Variants in SLC16A6 observed in about 807,000 individuals in gnomAD.
SLC16A6 encodes the protein monocarboxylate transporter 7.
SLC16A6 carries 15 observed loss-of-function variants against 33.8 expected under a neutral mutation model. That is an observed-to-expected ratio of 0.44 (90% CI 0.30 to 0.68). The LOEUF is 0.68. Ranked by LOEUF, SLC16A6 falls within the 30% of genes least tolerant of loss-of-function variation. The pLI, the probability that SLC16A6 is intolerant of heterozygous loss-of-function variation, is 0.10. For missense variants in SLC16A6, 451 were observed against 661.5 expected (o/e 0.68, Z 3.49); for synonymous variants, 219 against 248.4 (o/e 0.88, Z 1.11).
intron 1 of SLC16A6, among the ~76,000 whole-genome samples, chr17:68,290,779 A>G (rs2075959601): frequency 6.6e-6 from 1 of 151,968 alleles, no homozygotes; most frequent in Non-Finnish European, 1.5e-5. Flanking sequence ...GGAGCCCCCA[A>G]CCCGGGGCAG....
Position 68,271,641 on chromosome 17 carries a change from C to T in SLC16A6, c.519G>A (p.Leu173=). Residue 173 remains leucine (L), a synonymous_variant, in exon 5 of 6, where the codon CTG becomes CTA. Coordinates refer to ENST00000580666, the MANE Select transcript of SLC16A6 (RefSeq NM_004694.5). This position sits in a 1 kb window ranked among gnomAD's most constrained non-coding sequence, Gnocchi z 5.3. ...VFAFAPAIMA[L]KERIGWRYSL... The stretch of plus-strand genomic sequence containing the variant: ...TGTATCTCCAGCCAATGCGCTCCTT[C>T]AGAGCCATGATTGCTTGAATAGGCA... The T allele has an allele frequency of 6.2e-7, 1 of 1,612,090 alleles. No individual in the cohort carries two copies. Among genetic ancestry groups the T allele is most frequent in the Non-Finnish European group, 8.5e-7 (1 of 1,178,298 alleles).
rs190776627 is a variant in SLC16A6, at chr17:68,269,067, C to T, written c.*29G>A. The T allele has an allele frequency of 1.4e-3, 2,179 of 1,581,926 alleles. 89 individuals are homozygous for T. In the African/African-American group the frequency reaches 0.026, roughly 19 times the overall value. On this transcript the variant is annotated 3_prime_UTR_variant, in exon 6 of 6. Transcript: ENST00000580666. ...GCCCACCCCATCCCTCTCCAGCCAA[C>T]ACAGTGGCTGTTGTTGTAAGAAAGT...
rs558911411 is a variant in SLC16A6 at position 68,283,336 on chromosome 17, C to T, written c.-7-5009G>A. Among the ~76,000 whole-genome samples, 14 of 151,298 alleles carry T rather than the reference C, an allele frequency of 9.3e-5. No individual in the cohort carries two copies. The East Asian group carries it at 1.6e-3, about 17-fold the overall frequency. Reference sequence around the variant, plus strand: ...GAGATCAAGACCATTCTGGCAAACACGATGAAACCCCGTCTCTACTAAAAA... The same window carrying T: ...GAGATCAAGACCATTCTGGCAAACATGATGAAACCCCGTCTCTACTAAAAA... On this transcript the variant is annotated intron_variant, in intron 1 of 5. Transcript: ENST00000580666.
Position 68,271,930 on chromosome 17 carries a change from G to C in SLC16A6, c.506-276C>G, listed in dbSNP as rs1413225077. 2.0e-5 allele frequency among the ~76,000 whole-genome samples: 3 copies of C among 152,184 alleles called. No individual in the cohort carries two copies. Among genetic ancestry groups the C allele is most frequent in the Non-Finnish European group, 4.4e-5 (3 of 68,032 alleles). On this transcript the variant is annotated intron_variant, in intron 4 of 5. Coordinates refer to ENST00000580666, the MANE Select transcript of SLC16A6 (RefSeq NM_004694.5). This position sits in a 1 kb window ranked among gnomAD's most constrained non-coding sequence, Gnocchi z 5.3. Reference sequence around the variant, plus strand: ...CGATTCTCCTGCCTCAGCCTCCTGAGTAGCTGGGACTATAGGCGTGCGCCA... The same window carrying C: ...CGATTCTCCTGCCTCAGCCTCCTGACTAGCTGGGACTATAGGCGTGCGCCA...
chr17:68,288,320 A>G (rs1380545757), intron 1 of SLC16A6, among the ~76,000 whole-genome samples: 2 of 151,810 alleles, frequency 1.3e-5, no homozygotes, highest in Non-Finnish European at 2.9e-5. Context: ...CTTTTTTTCC[A>G]TTCCTTCAGC....
intron 3 of SLC16A6, among the ~76,000 whole-genome samples, chr17:68,273,083 C>T (rs544100631): frequency 8.6e-5 from 13 of 150,912 alleles, no homozygotes; most frequent in Non-Finnish European, 1.6e-4. Context: ...AGATTTGTAT[C>T]TAGAAAGAAA....
In SLC16A6 at chr17:68,271,375, T is replaced by G; in HGVS notation, c.785A>C (p.Lys262Thr). 1 of 1,614,274 alleles carries G rather than the reference T, an allele frequency of 6.2e-7. No individual in the cohort carries two copies. The highest frequency in any genetic ancestry group is 8.5e-7 in the Non-Finnish European group (1 of 1,180,052). ...CACCAGGACCTGCTGCATGTCGGCC[T>G]TCGGCTCCAGTTCCAGGTTAGTGTG... ...PTHTNLELEPKADMQQVLVKT... is the reference protein window; with the variant it reads ...PTHTNLELEPTADMQQVLVKT... Residue 262 changes from lysine to threonine, a missense_variant, in exon 5 of 6, where the codon AAG becomes ACG. This residue lies in a region of SLC16A6 where 405 missense variants were observed against 510.7 expected (regional missense o/e 0.79). Transcript: ENST00000580666. This position sits in a 1 kb window ranked among gnomAD's most constrained non-coding sequence, Gnocchi z 5.3.
intron 5 of SLC16A6, among the ~76,000 whole-genome samples, chr17:68,270,037 G>C (rs142863001): frequency 4.6e-5 from 7 of 152,178 alleles, no homozygotes; most frequent in African/African-American, 1.4e-4. Context: ...GACCCATTTG[G>C]GATCTAAGAT....
intron 1 of SLC16A6, among the ~76,000 whole-genome samples, chr17:68,282,176 A>G (rs1225049224): frequency 1.3e-5 from 2 of 152,206 alleles, no homozygotes; most frequent in African/African-American, 2.4e-5. Flanking sequence ...CAGCCATAAA[A>G]AAGGATGAGT....
At chr17:68,289,159 A>G (rs1555755040) in intron 1 of SLC16A6, among the ~76,000 whole-genome samples, 3 of 152,162 alleles carry the variant, frequency 2.0e-5, no homozygotes, top group African/African-American at 7.2e-5. Flanking sequence ...CAACCCGGGC[A>G]ACATAGTGAG....
rs140503465 is a variant in SLC16A6, at chr17:68,282,015, G to T, written c.-7-3688C>A. On this transcript the variant is annotated intron_variant, in intron 1 of 5. Transcript: ENST00000580666. Reference sequence around the variant, plus strand: ...CCCATTACTGGGTATATACCCAAAGGATTATAAATCATGCTGCTATAAAGA... The same window carrying T: ...CCCATTACTGGGTATATACCCAAAGTATTATAAATCATGCTGCTATAAAGA... 3.2e-4 allele frequency among the ~76,000 whole-genome samples: 49 copies of T among 152,258 alleles called. 2 individuals carry two copies. The East Asian group carries it at 9.3e-3, about 29-fold the overall frequency.
At chr17:68,286,273 G>A (rs2075840310) in intron 1 of SLC16A6, among the ~76,000 whole-genome samples, 1 of 152,204 alleles carries the variant, frequency 6.6e-6, no homozygotes, top group South Asian at 2.1e-4. Context: ...TTGCAAAAGG[G>A]ATGGGGCTAG....
At chr17:68,282,635 C>CA (rs2075728434) in intron 1 of SLC16A6, among the ~76,000 whole-genome samples, 2 of 151,316 alleles carry the variant, frequency 1.3e-5, no homozygotes, top group Admixed American at 6.6e-5. Context: ...GCTGTCTCTA[C>CA]AAAAAAGTAT....
At chr17:68,279,558 A>AT (rs1395860425) in intron 1 of SLC16A6, among the ~76,000 whole-genome samples, 23 of 152,290 alleles carry the variant, frequency 1.5e-4, no homozygotes, top group Admixed American at 1.5e-3. Context: ...ATAAGGTACT[A>AT]TTATACAAGC....
At chr17:68,269,778 A>C (rs2075276865) in intron 5 of SLC16A6, among the ~76,000 whole-genome samples, 1 of 145,056 alleles carries the variant, frequency 6.9e-6, no homozygotes, top group African/African-American at 2.6e-5. Flanking sequence ...GGTTCAAGCG[A>C]TTCTCCTGCC....
chr17:68,289,641 A>T (rs2075923309), intron 1 of SLC16A6, among the ~76,000 whole-genome samples: 1 of 152,196 alleles, frequency 6.6e-6, no homozygotes, highest in Non-Finnish European at 1.5e-5. Context: ...TGCATTCTCT[A>T]TTTAAAAAAA....
At position 68,278,617 on chromosome 17, in the gene SLC16A6, C is replaced by CTT. The variant is rs56870988; in HGVS notation, c.-7-292_-7-291dup. ...AGCCAGCTAATGTTTTTTCTTTTTC[C>CTT]TTTTTTTTTTTTTTTTTTTTGAGAC... On this transcript the variant is annotated intron_variant, in intron 1 of 5. Coordinates refer to ENST00000580666, the MANE Select transcript of SLC16A6 (RefSeq NM_004694.5). Among the ~76,000 whole-genome samples, 93 of 111,974 alleles carry CTT rather than the reference C, an allele frequency of 8.3e-4. 1 individual carries two copies. Among genetic ancestry groups the CTT allele is most frequent in the Admixed American group, 1.3e-3 (13 of 10,054 alleles). 73.5% of individuals were successfully genotyped at this position (111,974 alleles called of 152,430 possible). A position where few individuals can be genotyped will look rare whatever the true frequency, so the allele number is the denominator to read the frequency against.
intron 2 of SLC16A6, among the ~76,000 whole-genome samples, chr17:68,275,275 C>T (rs1444492129): frequency 2.6e-5 from 4 of 151,814 alleles, no homozygotes; most frequent in East Asian, 1.9e-4. Flanking sequence ...ACAACAGTGA[C>T]GTAAGTGAGC....
intron 1 of SLC16A6, among the ~76,000 whole-genome samples, chr17:68,280,707 A>G (rs75207217): frequency 0.015 from 2,353 of 152,332 alleles, 57 homozygotes; most frequent in African/African-American, 0.053. Context: ...TAGGGGAAAC[A>G]CTTTAGGACA....
Sources: gnomAD v4.1 joint callset for allele counts (sites outside exome capture counted in the v4.1 genomes callset) on GRCh38, gnomAD v4.1.1 for gene constraint, gnomAD v4.1.1 regional missense constraint, Gnocchi (gnomAD v3.1) non-coding constraint, MANE v1.5 for transcripts, NCBI Gene and HGNC (gene_info 2026-07-23, HGNC 2026-07-21) for gene names.